ARMH4: variants seen among roughly 807,000 people sequenced by gnomAD.
The protein encoded by ARMH4 is armadillo like helical domain containing 4.
Under a neutral mutation model 61.9 loss-of-function variants are expected in ARMH4, and 49 were observed. The observed-to-expected ratio is 0.79, with a 90% CI of 0.63 to 1.00. The LOEUF (loss-of-function observed/expected upper bound fraction) is 1.00, where lower values mean the gene tolerates loss of function less well. Ranked by LOEUF, ARMH4 falls within the 50% of genes least tolerant of loss-of-function variation. The pLI is 0.00. For synonymous variants in ARMH4, 368 were observed against 341.5 expected, an observed-to-expected ratio of 1.08 and a Z score of -0.85; for missense variants, 934 against 930.0, an observed-to-expected ratio of 1.00 and a Z score of -0.06.
intron 5 of ARMH4, among the ~76,000 whole-genome samples, chr14:58,085,571 A>G (rs1467719640): frequency 6.6e-6 from 1 of 152,124 alleles, no homozygotes; most frequent in Non-Finnish European, 1.5e-5. Flanking sequence ...CCAAAGGAAA[A>G]GTGATTGCTG....
intron 4 of ARMH4, among the ~76,000 whole-genome samples, chr14:58,100,771 A>G (rs1290856830): frequency 6.6e-6 from 1 of 152,100 alleles, no homozygotes; most frequent in Non-Finnish European, 1.5e-5. Flanking sequence ...TGTACCCCCA[A>G]GACCAAGATC....
chr14:58,111,828 G>GACT (rs1166890264), intron 4 of ARMH4, among the ~76,000 whole-genome samples: 1 of 152,018 alleles, frequency 6.6e-6, no homozygotes, highest in Non-Finnish European at 1.5e-5. Context: ...GAGTAGCTAG[G>GACT]ACTACAGGTG....
intron 5 of ARMH4, among the ~76,000 whole-genome samples, chr14:58,014,624 A>C (rs975726816): frequency 6.6e-6 from 1 of 152,228 alleles, no homozygotes; most frequent in African/African-American, 2.4e-5. Context: ...ATATTTAAAT[A>C]GAAGCAAGAT....
chr14:58,009,365 C>T (rs1171612345), intron 6 of ARMH4, among the ~76,000 whole-genome samples: 2 of 152,098 alleles, frequency 1.3e-5, no homozygotes, highest in African/African-American at 4.8e-5. Flanking sequence ...GGCTAGAATA[C>T]GCACATAGCT....
intron 5 of ARMH4, among the ~76,000 whole-genome samples, chr14:58,094,001 T>TA (rs376375084): frequency 6.6e-6 from 1 of 152,112 alleles, no homozygotes; most frequent in African/African-American, 2.4e-5. Context: ...TTTAAAAGAA[T>TA]AAAAAATTAC....
At position 58,096,965 on chromosome 14, in the gene ARMH4, C is replaced by G; in HGVS notation, c.1848G>C (p.Glu616Asp). ...QLESEEGQED[E>D]DEEDEEDEDE... The stretch of plus-strand genomic sequence containing the variant: ...CTTCATCTTCTTCATCCTCTTCATC[C>G]TCATCTTCTTGTCCCTCTAGGCAAA... Residue 616 changes from glutamate (E) to aspartate (D), a missense_variant, in exon 5 of 8, where the codon GAG becomes GAC. Transcript: ENST00000267485. 6.2e-7 allele frequency: 1 copy of G among 1,613,582 alleles called. No homozygotes were observed. The highest frequency in any genetic ancestry group is 8.5e-7 in the Non-Finnish European group (1 of 1,179,620).
At chr14:58,151,090 C>T (rs1366368363) in intron 1 of ARMH4, among the ~76,000 whole-genome samples, 1 of 152,206 alleles carries the variant, frequency 6.6e-6, no homozygotes, top group African/African-American at 2.4e-5. Flanking sequence ...CCCACTCCCC[C>T]TCAAGTTTCA....
At chr14:58,113,922 CT>C (rs954321553) in intron 4 of ARMH4, among the ~76,000 whole-genome samples, 20 of 151,462 alleles carry the variant, frequency 1.3e-4, no homozygotes, top group African/African-American at 1.9e-4. Context: ...ATTTTTGTGA[CT>C]TTTTTTTATT....
intron 5 of ARMH4, among the ~76,000 whole-genome samples, chr14:58,031,473 T>C (rs1357869031): frequency 6.6e-6 from 1 of 152,194 alleles, no homozygotes; most frequent in Non-Finnish European, 1.5e-5. Flanking sequence ...ATGCAGAAGT[T>C]AGGCCATTAA....
intron 5 of ARMH4, among the ~76,000 whole-genome samples, chr14:58,050,342 A>G (rs192249397): frequency 1.8e-3 from 276 of 152,310 alleles, no homozygotes; most frequent in Middle Eastern, 3.4e-3. Context: ...AGTTCAGGCC[A>G]CACCAGCCTA....
intron 5 of ARMH4, among the ~76,000 whole-genome samples, chr14:58,061,100 C>T (rs1244876750): frequency 2.6e-5 from 4 of 152,134 alleles, no homozygotes; most frequent in African/African-American, 7.2e-5. Context: ...GCTCCAACTC[C>T]GTGAGGCTCC....
chr14:58,012,445 A>T (rs1882445243), intron 5 of ARMH4, among the ~76,000 whole-genome samples: 1 of 152,122 alleles, frequency 6.6e-6, no homozygotes, highest in African/African-American at 2.4e-5. Flanking sequence ...AGCGAAAATC[A>T]CCTTTAAAAT....
chr14:58,082,437 T>A (rs931134888), intron 5 of ARMH4, among the ~76,000 whole-genome samples: 7 of 152,206 alleles, frequency 4.6e-5, no homozygotes, highest in African/African-American at 1.7e-4. Flanking sequence ...TATGAGTGAA[T>A]AATTAGTATG....
chr14:58,110,479 A>C (rs758698530), intron 4 of ARMH4, among the ~76,000 whole-genome samples: 50 of 152,122 alleles, frequency 3.3e-4, no homozygotes, highest in Non-Finnish European at 6.6e-4. Context: ...AAGGTTAAAA[A>C]TTTCCCATTA....
At chr14:58,076,137 C>T (rs1363150944) in intron 5 of ARMH4, among the ~76,000 whole-genome samples, 8 of 151,584 alleles carry the variant, frequency 5.3e-5, no homozygotes, top group Non-Finnish European at 1.0e-4. Context: ...GAGGAGGCAG[C>T]GGCGGCAACT....
At chr14:58,142,905 T>C (rs764968901) in intron 1 of ARMH4, among the ~76,000 whole-genome samples, 1 of 152,142 alleles carries the variant, frequency 6.6e-6, no homozygotes, top group Non-Finnish European at 1.5e-5. Flanking sequence ...AAGACTGACT[T>C]TTTCTACGTG....
At chr14:58,047,912 C>G (rs1766937264) in intron 5 of ARMH4, among the ~76,000 whole-genome samples, 1 of 152,102 alleles carries the variant, frequency 6.6e-6, no homozygotes, top group Non-Finnish European at 1.5e-5. Flanking sequence ...GTAGAAGGAT[C>G]TGGGTAGATG....
intron 5 of ARMH4, among the ~76,000 whole-genome samples, chr14:58,090,508 T>C (rs939850064): frequency 1.3e-5 from 2 of 152,122 alleles, no homozygotes; most frequent in Non-Finnish European, 2.9e-5. Context: ...GAAATGGGCA[T>C]GTGACCTAAT....
intron 5 of ARMH4, among the ~76,000 whole-genome samples, chr14:58,091,860 C>T: frequency 6.6e-6 from 1 of 152,172 alleles, no homozygotes. Flanking sequence ...ATGGAACTTT[C>T]ACTCCTGATG....
Sources: gnomAD v4.1 joint callset for allele counts (sites outside exome capture counted in the v4.1 genomes callset) on GRCh38, gnomAD v4.1.1 for gene constraint, MANE v1.5 for transcripts, NCBI Gene and HGNC (gene_info 2026-07-23, HGNC 2026-07-21) for gene names.